TMX2: variants seen among roughly 807,000 people sequenced by gnomAD.
TMX2 encodes the protein thioredoxin related transmembrane protein 2, also known as thioredoxin-related transmembrane protein 2.
TMX2 carries 20 observed loss-of-function variants against 33.4 expected under a neutral mutation model. That is an observed-to-expected ratio of 0.60 (90% CI 0.42 to 0.87). The LOEUF (loss-of-function observed/expected upper bound fraction) is 0.87. Ranked by LOEUF, TMX2 falls within the 40% of genes least tolerant of loss-of-function variation. The pLI is 0.00. For missense variants in TMX2, 340 were observed against 370.7 expected (o/e 0.92, Z 0.68); for synonymous variants, 166 against 140.7 (o/e 1.18, Z -1.27).
intron 1 of TMX2, among the ~76,000 whole-genome samples, chr11:57,715,577 A>ATTTTTCT: frequency 9.3e-6 from 1 of 107,670 alleles, no homozygotes; most frequent in African/African-American, 3.9e-5. Context: ...ACCTCTTAGA[A>ATTTTTCT]TTTGTTTTCT....
At chr11:57,729,489 T>C (rs1948217918) in intron 1 of TMX2, among the ~76,000 whole-genome samples, 1 of 152,198 alleles carries the variant, frequency 6.6e-6, no homozygotes, top group African/African-American at 2.4e-5. Context: ...GCCTTTATAA[T>C]AGACTTATAT....
chr11:57,735,240 A>T (rs1303147208), intron 1 of TMX2, among the ~76,000 whole-genome samples: 4 of 147,532 alleles, frequency 2.7e-5, no homozygotes, highest in Admixed American at 2.0e-4. Flanking sequence ...ACGTTGTTTC[A>T]CTCTGTTGCC....
intron 1 of TMX2, among the ~76,000 whole-genome samples, chr11:57,735,428 C>T (rs1408233114): frequency 6.6e-6 from 1 of 151,974 alleles, no homozygotes; most frequent in Non-Finnish European, 1.5e-5. Context: ...CCAGGCTGGT[C>T]TTGAACTTCT....
intron 1 of TMX2, chr11:57,717,937 A>G: frequency 1.5e-6 from 1 of 674,396 alleles, no homozygotes; most frequent in South Asian, 1.7e-5. Context: ...TGAGAGCACA[A>G]AGATTCTAGG....
At chr11:57,730,512 A>G (rs1948306387) in intron 1 of TMX2, among the ~76,000 whole-genome samples, 1 of 146,862 alleles carries the variant, frequency 6.8e-6, no homozygotes, top group Admixed American at 6.9e-5. Context: ...CGAGGCGGGC[A>G]GATCATCTGA....
At chr11:57,724,864 C>T (rs1390020736) in intron 1 of TMX2, among the ~76,000 whole-genome samples, 1 of 151,656 alleles carries the variant, frequency 6.6e-6, no homozygotes, top group Non-Finnish European at 1.5e-5. Flanking sequence ...GTGGTGAAAC[C>T]GTGTCTCTAC....
intron 1 of TMX2, among the ~76,000 whole-genome samples, chr11:57,733,583 G>T (rs987015902): frequency 1.3e-5 from 2 of 151,746 alleles, no homozygotes; most frequent in African/African-American, 4.8e-5. Context: ...CAGATGAAAC[G>T]ATATAGCTGG....
intron 1 of TMX2, among the ~76,000 whole-genome samples, chr11:57,729,508 G>A (rs1347328102): frequency 9.2e-5 from 14 of 152,140 alleles, no homozygotes; most frequent in African/African-American, 2.9e-4. Flanking sequence ...ATAATTTTAC[G>A]TTCAATTGGC....
intron 1 of TMX2, among the ~76,000 whole-genome samples, chr11:57,732,982 C>T (rs1948492657): frequency 6.6e-6 from 1 of 152,128 alleles, no homozygotes; most frequent in African/African-American, 2.4e-5. Flanking sequence ...CTCCCAGGCA[C>T]AAACCTACAC....
At chr11:57,730,508 G>A (rs7105506) in intron 1 of TMX2, among the ~76,000 whole-genome samples, 51,132 of 148,542 alleles carry the variant, frequency 0.34, 9,816 homozygotes, top group Non-Finnish European at 0.44. Context: ...AGGCCGAGGC[G>A]GGCAGATCAT....
At chr11:57,720,962 G>A (rs1947588476) in intron 1 of TMX2, among the ~76,000 whole-genome samples, 1 of 151,134 alleles carries the variant, frequency 6.6e-6, no homozygotes, top group South Asian at 2.1e-4. Flanking sequence ...AGTTTCTAAG[G>A]CTGTGTTCTT....
intron 1 of TMX2, among the ~76,000 whole-genome samples, chr11:57,715,586 C>CTT (rs367827761): frequency 1.8e-4 from 23 of 130,120 alleles, no homozygotes; most frequent in African/African-American, 5.3e-4. Flanking sequence ...AATTTGTTTT[C>CTT]TTTTTTTTTT....
intron 1 of TMX2, among the ~76,000 whole-genome samples, chr11:57,733,492 G>A (rs1275428159): frequency 6.6e-6 from 1 of 151,784 alleles, no homozygotes; most frequent in East Asian, 1.9e-4. Flanking sequence ...CCTGACCTCA[G>A]GTGATCCACC....
intron 7 of TMX2, 136 bp from the exon 8 acceptor site, chr11:57,739,961 AAG>A (rs1948990887): frequency 8.4e-7 from 1 of 1,189,350 alleles, no homozygotes; most frequent in Admixed American, 2.3e-5. Context: ...GTACCTAAAA[AAG>A]AGGAAGGTTA....
At chr11:57,725,381 A>C (rs1947910496) in intron 1 of TMX2, among the ~76,000 whole-genome samples, 1 of 152,110 alleles carries the variant, frequency 6.6e-6, no homozygotes, top group Non-Finnish European at 1.5e-5. Context: ...AAAACTATAC[A>C]AGCTGCCTCC....
chr11:57,719,405 T>G (rs1477360689), intron 1 of TMX2, among the ~76,000 whole-genome samples: 4 of 151,814 alleles, frequency 2.6e-5, no homozygotes, highest in Admixed American at 2.6e-4. Context: ...ATTTTTTCAG[T>G]TCACTGAAAC....
chr11:57,734,061 A>G (rs1386397291), intron 1 of TMX2, among the ~76,000 whole-genome samples: 2 of 147,284 alleles, frequency 1.4e-5, no homozygotes, highest in Non-Finnish European at 3.0e-5. Context: ...AGTCCCAGCT[A>G]CTCGGGAAGC....
At chr11:57,729,081 A>G (rs1948185643) in intron 1 of TMX2, among the ~76,000 whole-genome samples, 1 of 151,482 alleles carries the variant, frequency 6.6e-6, no homozygotes, top group African/African-American at 2.4e-5. Context: ...ACATCAATCC[A>G]CCACACAAGA....
At chr11:57,730,123 TTA>T (rs142041272) in intron 1 of TMX2, among the ~76,000 whole-genome samples, 10 of 140,556 alleles carry the variant, frequency 7.1e-5, no homozygotes, top group Non-Finnish European at 9.2e-5. Context: ...AAAAAAATAA[TTA>T]TATATATATA....
Sources: gnomAD v4.1 joint callset for allele counts (sites outside exome capture counted in the v4.1 genomes callset) on GRCh38, gnomAD v4.1.1 for gene constraint, MANE v1.5 for transcripts, NCBI Gene and HGNC (gene_info 2026-07-23, HGNC 2026-07-21) for gene names.